Variants in FBXW2 observed in about 807,000 individuals in gnomAD.
The protein encoded by FBXW2 is F-box and WD repeat domain containing 2.
Under a neutral mutation model 46.0 loss-of-function variants are expected in FBXW2, and 12 were observed. The observed-to-expected ratio is 0.26, with a 90% CI of 0.17 to 0.42. The LOEUF (loss-of-function observed/expected upper bound fraction) is 0.42, where lower values mean the gene tolerates loss of function less well. Ranked by LOEUF, FBXW2 falls within the 10% of genes least tolerant of loss-of-function variation. The pLI, the probability that FBXW2 is intolerant of heterozygous loss-of-function variation, is 1.00. For synonymous variants in FBXW2, 203 were observed against 209.6 expected, an observed-to-expected ratio of 0.97 and a Z score of 0.27; for missense variants, 360 against 537.0, an observed-to-expected ratio of 0.67 and a Z score of 3.26.
intron 6 of FBXW2, 98 bp from the exon 7 acceptor site, chr9:120,771,615 G>T: frequency 2.8e-6 from 3 of 1,066,018 alleles, no homozygotes; most frequent in Non-Finnish European, 4.0e-6. Context: ...GATAGAAAGT[G>T]AAGTATACTG....
intron 3 of FBXW2, among the ~76,000 whole-genome samples, chr9:120,783,559 A>G (rs140740836): frequency 6.6e-6 from 1 of 152,336 alleles, no homozygotes; most frequent in African/African-American, 2.4e-5. Context: ...CCACATGGCA[A>G]TAATTTATTA....
Position 120,771,432 on chromosome 9 carries a change from C to T in FBXW2, c.992G>A (p.Arg331Lys). 5 of 1,614,174 alleles carry T rather than the reference C, an allele frequency of 3.1e-6. No homozygotes were observed. The highest frequency in any genetic ancestry group is 4.2e-6 in the Non-Finnish European group (5 of 1,180,006). ...AATGTATTTGCCATCAAAATGAAGTCTTGGCTGCAGGCAGATACTTCTATC... is the reference window on the plus strand; with the variant it reads ...AATGTATTTGCCATCAAAATGAAGTTTTGGCTGCAGGCAGATACTTCTATC... ...SEDRSICLQP[R>K]LHFDGKYIVC... Residue 331 changes from arginine to lysine, a missense_variant, in exon 7 of 8, where the codon AGA (arginine) becomes AAA (lysine). Arg to Lys is a conservative substitution (Grantham distance 26, BLOSUM62 2). Coordinates refer to ENST00000608872, the MANE Select transcript of FBXW2 (RefSeq NM_012164.4).
At position 120,761,895 on chromosome 9, in the gene FBXW2, A is replaced by G. The variant is rs1253874794; in HGVS notation, c.*2664T>C. On this transcript the variant is annotated 3_prime_UTR_variant, in exon 8 of 8. Transcript: ENST00000608872. ...TAAAAACTGAAATAGAACATACTAT[A>G]TACAGCTTCAAGTTTGTCACTTTTT... 2.0e-5 allele frequency: 3 copies of G among 152,222 alleles called. No homozygotes were observed. In the East Asian group the frequency reaches 5.8e-4, roughly 29 times the overall value. 9.4% of individuals were successfully genotyped at this position (152,222 alleles called of 1,614,324 possible).
rs1214700916 is a variant in FBXW2 at position 120,781,644 on chromosome 9, A to ACC, written c.491-3100_491-3099insGG. 2.6e-4 allele frequency among the ~76,000 whole-genome samples: 38 copies of ACC among 144,898 alleles called. 1 individual carries two copies. The highest frequency in any genetic ancestry group is 6.3e-4 in the South Asian group (3 of 4,734). ...ATATATTTTATATACATACACACAC[A>ACC]CACACACACACACACACACACACAC... On this transcript the variant is annotated intron_variant, in intron 3 of 7. Transcript: ENST00000608872.
intron 2 of FBXW2, 46 bp from the exon 3 acceptor site, chr9:120,788,324 T>C (rs1021227615): frequency 1.4e-5 from 21 of 1,533,914 alleles, no homozygotes; most frequent in Non-Finnish European, 1.8e-5. Context: ...AAAAAGACTG[T>C]TCAAGCAAGA....
At chr9:120,767,954 C>T (rs2044304490) in intron 7 of FBXW2, among the ~76,000 whole-genome samples, 1 of 152,248 alleles carries the variant, frequency 6.6e-6, no homozygotes, top group Admixed American at 6.5e-5. Flanking sequence ...GACCTCCCCA[C>T]ATCTACTTAG....
chr9:120,779,353 A>T (rs1343936819), intron 3 of FBXW2, among the ~76,000 whole-genome samples: 2 of 152,232 alleles, frequency 1.3e-5, no homozygotes, highest in Non-Finnish European at 2.9e-5. Context: ...CACTAAATAC[A>T]GTCACTATGA....
At position 120,776,209 on chromosome 9, in the gene FBXW2, T is replaced by C; in HGVS notation, c.703A>G (p.Asn235Asp). The change falls in exon 5 of 8, where the codon AAT (asparagine) becomes GAT (aspartate). Residue 235 changes from asparagine (N) to aspartate (D), a missense_variant. Physicochemically the swap from Asn to Asp is conservative, Grantham distance 23 (BLOSUM62 1). Transcript: ENST00000608872. ...CTCACCAAGATATCCAGTTCATCAT[T>C]GTAGTCCACGCTAAATACTAGTGCA... The part of the protein sequence containing the change: ...HTGAVFSVDY[N>D]DELDILVSGS... 1 of 1,614,130 alleles carries C rather than the reference T, an allele frequency of 6.2e-7. No homozygotes were observed. Among genetic ancestry groups the C allele is most frequent in the Non-Finnish European group, 8.5e-7 (1 of 1,180,016 alleles).
chr9:120,775,598 G>GTTTTTT (rs971306404), intron 5 of FBXW2, among the ~76,000 whole-genome samples: 1 of 151,484 alleles, frequency 6.6e-6, no homozygotes, highest in Non-Finnish European at 1.5e-5. Context: ...CAACAATCTT[G>GTTTTTT]TTTTTTTTAA....
intron 3 of FBXW2, among the ~76,000 whole-genome samples, chr9:120,785,010 A>G (rs1399548922): frequency 6.6e-6 from 1 of 151,140 alleles, no homozygotes; most frequent in Non-Finnish European, 1.5e-5. Context: ...CTGCATCTTA[A>G]TATTTTTTTT....
intron 3 of FBXW2, among the ~76,000 whole-genome samples, chr9:120,781,675 C>CACACACAT (rs761941263): frequency 0.011 from 1,649 of 146,298 alleles, 41 homozygotes; most frequent in Admixed American, 0.051. Context: ...CACACACACA[C>CACACACAT]ATACACACAC....
At chr9:120,792,558 A>G (rs146467936) in intron 2 of FBXW2, 2 of 183,188 alleles carry the variant, frequency 1.1e-5, no homozygotes, top group African/African-American at 2.4e-5. Context: ...CTATCAAAAA[A>G]TAGCCTTTAG....
chr9:120,771,068 C>A (rs991771203), intron 7 of FBXW2, among the ~76,000 whole-genome samples: 1 of 152,206 alleles, frequency 6.6e-6, no homozygotes, highest in Non-Finnish European at 1.5e-5. Context: ...CCATGCCCCT[C>A]ATTTTCCAGA....
chr9:120,783,306 C>G (rs1197089256), intron 3 of FBXW2, among the ~76,000 whole-genome samples: 2 of 152,166 alleles, frequency 1.3e-5, no homozygotes, highest in Admixed American at 6.5e-5. Context: ...CCCCTCTGGA[C>G]TCCCATTTGC....
At chr9:120,779,667 C>A (rs568093976) in intron 3 of FBXW2, among the ~76,000 whole-genome samples, 96 of 152,308 alleles carry the variant, frequency 6.3e-4, no homozygotes, top group Non-Finnish European at 7.6e-4. Flanking sequence ...AACACACAGG[C>A]AGGTCCCTAT....
intron 5 of FBXW2, 78 bp from the exon 6 acceptor site, chr9:120,772,918 C>T: frequency 1.0e-6 from 1 of 993,416 alleles, no homozygotes; most frequent in Non-Finnish European, 1.5e-6. Flanking sequence ...AATTAAAATA[C>T]AAAAATGAGC....
rs180709448 is a variant in FBXW2 at position 120,757,607 on chromosome 9, T to C, written c.*6952A>G. On this transcript the variant is annotated 3_prime_UTR_variant, in exon 8 of 8. Transcript: ENST00000608872. ...TTACAAAACAATGATTTGCAGTACA[T>C]AAATCCATACACATGTGCATAAGGA... 6.6e-6 allele frequency: 1 copy of C among 152,228 alleles called. No homozygotes were observed. Among genetic ancestry groups the C allele is most frequent in the Admixed American group, 6.5e-5 (1 of 15,284 alleles). 9.4% of individuals were successfully genotyped at this position (152,228 alleles called of 1,614,324 possible). A position where few individuals can be genotyped will look rare whatever the true frequency, so the allele number is the denominator to read the frequency against.
At chr9:120,764,991 A>ACGCCTGTAATCCC in intron 7 of FBXW2, 144 bp from the exon 8 acceptor site, 1 of 684,920 alleles carries the variant, frequency 1.5e-6, no homozygotes, top group Non-Finnish European at 2.2e-6. Context: ...AGTAAAATAT[A>ACGCCTGTAATCCC]AGGAGAAAAG....
intron 3 of FBXW2, among the ~76,000 whole-genome samples, chr9:120,784,482 C>T (rs1048011995): frequency 1.3e-5 from 2 of 151,926 alleles, no homozygotes; most frequent in African/African-American, 4.8e-5. Flanking sequence ...CATAGGGTTG[C>T]TCGCTTGTAG....
Sources: allele counts gnomAD v4.1 joint callset (sites outside exome capture counted in the v4.1 genomes callset), GRCh38; gene constraint gnomAD v4.1.1; transcripts MANE v1.5; gene names NCBI Gene and HGNC (gene_info 2026-07-23, HGNC 2026-07-21).